CFTR: variants seen among roughly 807,000 people sequenced by gnomAD.
CFTR encodes the protein cystic fibrosis transmembrane conductance regulator.
A neutral mutation model predicts 171.6 loss-of-function variants in CFTR; 181 were observed. The observed-to-expected ratio is 1.05, with a 90% CI of 0.93 to 1.19. The LOEUF is 1.19. Ranked by LOEUF, CFTR falls within the 50% of genes most tolerant of loss-of-function variation. The pLI, the probability that CFTR is intolerant of heterozygous loss-of-function variation, is 0.00. For missense variants in CFTR, 1,968 were observed against 1,734.7 expected, an observed-to-expected ratio of 1.13 and a Z score of -2.39; for synonymous variants, 583 against 608.0, an observed-to-expected ratio of 0.96 and a Z score of 0.60.
At chr7:117,529,134 A>G (rs1305298210) in intron 3 of CFTR, among the ~76,000 whole-genome samples, 2 of 83,348 alleles carry the variant, frequency 2.4e-5, no homozygotes, top group Admixed American at 1.2e-4. Flanking sequence ...CAACAATGAT[A>G]GACTGGATTA....
At position 117,530,810 on chromosome 7, in the gene CFTR, C is replaced by G. The variant is rs1279246956; in HGVS notation, c.274-89C>G. The G allele has an allele frequency of 7.9e-6, 7 of 885,182 alleles. No homozygotes were observed. In the East Asian group the frequency reaches 1.3e-4, roughly 16 times the overall value. The allele number at this position is 885,182 out of a possible 1,614,324, so 54.8% of individuals were successfully genotyped here. On this transcript the variant is annotated intron_variant, in intron 3 of 26. Transcript: ENST00000003084. ...TATATAAACTCATTTTAAGTCTCCT[C>G]TAAAGATGAAAAGTCTTGTGTTGAA... is the stretch of plus-strand genomic sequence containing the variant.
Position 117,592,655 on chromosome 7 carries a change from AAGGT to A in CFTR, c.2490+4_2490+7del, listed in dbSNP as rs775790346. On this transcript the variant is annotated splice_donor_variant and coding_sequence_variant, in exon 14 of 27. Coordinates refer to ENST00000003084, the MANE Select transcript of CFTR (RefSeq NM_000492.4). LOFTEE classifies it high-confidence loss of function. ...TGAAGAAATTAACGAAGAAGACTTAAAGGTAGGTATACATCGCTTGGGGGTATTT... is the reference window on the plus strand; with the variant it reads ...TGAAGAAATTAACGAAGAAGACTTAAAGGTATACATCGCTTGGGGGTATTT... 5 of 1,543,420 alleles carry A rather than the reference AAGGT, an allele frequency of 3.2e-6. No homozygotes were observed. Among genetic ancestry groups the A allele is most frequent in the Non-Finnish European group, 3.5e-6 (4 of 1,152,366 alleles).
At chr7:117,538,462 A>G (rs1798993644) in intron 7 of CFTR, among the ~76,000 whole-genome samples, 2 of 151,674 alleles carry the variant, frequency 1.3e-5, no homozygotes, top group Non-Finnish European at 2.9e-5. Flanking sequence ...TTTTTTTCTT[A>G]TAGTACCTAT....
chr7:117,547,162 T>C (rs1799160259), intron 9 of CFTR, among the ~76,000 whole-genome samples: 1 of 152,174 alleles, frequency 6.6e-6, no homozygotes, highest in Admixed American at 6.5e-5. Context: ...AATAAAAAAC[T>C]AAAAGCAGTA....
In CFTR at chr7:117,540,271, C is replaced by T; in HGVS notation, c.1041C>T (p.Arg347=). 3 of 1,614,036 alleles carry T rather than the reference C, an allele frequency of 1.9e-6. No homozygotes were observed. The highest frequency in any genetic ancestry group is 1.7e-6 in the Non-Finnish European group (2 of 1,179,910). The change falls in exon 8 of 27, where the codon CGC becomes CGT. Residue 347 remains arginine (R), a synonymous_variant. Coordinates refer to ENST00000003084, the MANE Select transcript of CFTR (RefSeq NM_000492.4). ...FTTISFCIVL[R]MAVTRQFPWA... ...CCATCTCATTCTGCATTGTTCTGCG[C>T]ATGGCGGTCACTCGGCAATTTCCCT...
intron 24 of CFTR, among the ~76,000 whole-genome samples, chr7:117,654,193 C>T (rs1793129878): frequency 6.6e-6 from 1 of 152,170 alleles, no homozygotes; most frequent in Admixed American, 6.5e-5. Flanking sequence ...GGTGGTTCTA[C>T]TGGTCTGGGA....
At chr7:117,597,380 C>T (rs2078754) in intron 15 of CFTR, among the ~76,000 whole-genome samples, 13,959 of 152,212 alleles carry the variant, frequency 0.092, 2,174 homozygotes, top group African/African-American at 0.32. Flanking sequence ...CCACCAATTC[C>T]GGACACAATT....
At chr7:117,633,401 G>T (rs1167800989) in intron 22 of CFTR, among the ~76,000 whole-genome samples, 1 of 151,964 alleles carries the variant, frequency 6.6e-6, no homozygotes, top group South Asian at 2.1e-4. Flanking sequence ...TAGTTTCAAG[G>T]ATTTTTTGGT....
intron 9 of CFTR, among the ~76,000 whole-genome samples, chr7:117,548,348 G>T (rs1013209250): frequency 2.0e-5 from 3 of 151,784 alleles, no homozygotes; most frequent in Non-Finnish European, 4.4e-5. Flanking sequence ...GTGTGTGTGT[G>T]TGTGTGTGTG....
intron 21 of CFTR, among the ~76,000 whole-genome samples, chr7:117,615,505 T>G (rs896903966): frequency 3.9e-5 from 6 of 151,960 alleles, no homozygotes; most frequent in Non-Finnish European, 7.4e-5. Context: ...TTTTTTCACA[T>G]TATTTAGTGA....
At chr7:117,530,810 C>T in intron 3 of CFTR, 89 bp from the exon 4 acceptor site, 1 of 885,300 alleles carries the variant, frequency 1.1e-6, no homozygotes, top group South Asian at 1.4e-5. Flanking sequence ...TAAGTCTCCT[C>T]TAAAGATGAA....
intron 10 of CFTR, among the ~76,000 whole-genome samples, chr7:117,549,800 G>T (rs566232566): frequency 6.6e-6 from 1 of 151,912 alleles, no homozygotes; most frequent in South Asian, 2.1e-4. Context: ...AAGAAAGAGA[G>T]GAAGGAAGAA....
rs748845320 is a variant in CFTR, at chr7:117,667,028, T to G, written c.4363T>G (p.Ser1455Ala). 2.4e-5 allele frequency: 39 copies of G among 1,613,878 alleles called. No individual in the cohort carries two copies. Among genetic ancestry groups the G allele is most frequent in the Non-Finnish European group, 3.1e-5 (37 of 1,179,978 alleles). Residue 1455 changes from serine to alanine, a missense_variant, in exon 27 of 27, where the codon TCA becomes GCA. Physicochemically the swap from Ser to Ala is moderately conservative, Grantham distance 99. Coordinates refer to ENST00000003084, the MANE Select transcript of CFTR (RefSeq NM_000492.4). Reference protein sequence around the residue: ...DRVKLFPHRNSSKCKSKPQIA... With the variant: ...DRVKLFPHRNASKCKSKPQIA... ...GGTGAAGCTCTTTCCCCACCGGAAC[T>G]CAAGCAAGTGCAAGTCTAAGCCCCA...
At position 117,580,337 on chromosome 7, in the gene CFTR, G is replaced by A. The variant is rs34487764; in HGVS notation, c.1585-7402G>A. On this transcript the variant is annotated intron_variant, in intron 11 of 26. Transcript: ENST00000003084. The stretch of plus-strand genomic sequence containing the variant: ...TATTAAGGAAAATACAAATTAAAAT[G>A]GCAAATTAGCAAAAATTGAGGTGTG... 5.4e-3 allele frequency among the ~76,000 whole-genome samples: 819 copies of A among 152,080 alleles called. 6 individuals carry two copies. Among genetic ancestry groups the A allele is most frequent in the African/African-American group, 0.018 (767 of 41,542 alleles).
At chr7:117,506,469 C>T (rs1471006139) in intron 2 of CFTR, among the ~76,000 whole-genome samples, 1 of 152,154 alleles carries the variant, frequency 6.6e-6, no homozygotes, top group Non-Finnish European at 1.5e-5. Flanking sequence ...TGGTCTTGAA[C>T]TCCTGACCTC....
chr7:117,557,960 G>A (rs1799386825), intron 10 of CFTR, among the ~76,000 whole-genome samples: 1 of 152,142 alleles, frequency 6.6e-6, no homozygotes, highest in Non-Finnish European at 1.5e-5. Context: ...TAATTGTGGT[G>A]AAATGTACAT....
chr7:117,515,744 G>C (rs1327635132), intron 3 of CFTR, among the ~76,000 whole-genome samples: 1 of 152,158 alleles, frequency 6.6e-6, no homozygotes. Flanking sequence ...ACTTTGGGCA[G>C]TATAGCCATG....
In CFTR at chr7:117,515,194, C is replaced by T. The variant is rs1015112683; in HGVS notation, c.273+6052C>T. On this transcript the variant is annotated intron_variant, in intron 3 of 26. Coordinates refer to ENST00000003084, the MANE Select transcript of CFTR (RefSeq NM_000492.4). ...TCAATTTTGGCTTTTTTTGCAATTGCTTTTGGCATTTTCCTCGTGAAGTCT... is the reference window on the plus strand; with the variant it reads ...TCAATTTTGGCTTTTTTTGCAATTGTTTTTGGCATTTTCCTCGTGAAGTCT... Among the ~76,000 whole-genome samples, 53 of 152,154 alleles carry T rather than the reference C, an allele frequency of 3.5e-4. 1 individual carries two copies. Among genetic ancestry groups the T allele is most frequent in the Admixed American group, 3.4e-3 (52 of 15,276 alleles).
At position 117,523,373 on chromosome 7, in the gene CFTR, T is replaced by A. The variant is rs936563831; in HGVS notation, c.274-7526T>A. On this transcript the variant is annotated intron_variant, in intron 3 of 26. Transcript: ENST00000003084. ...CTGTCTCTGAATTTTTGTTTTGTTT[T>A]GTTTTTTGTTTTTTTTTTTTTGAGA... Among the ~76,000 whole-genome samples, 4 of 140,538 alleles carry A rather than the reference T, an allele frequency of 2.8e-5. No individual in the cohort carries two copies. The highest frequency in any genetic ancestry group is 6.2e-5 in the Non-Finnish European group (4 of 65,004). 92.2% of individuals were successfully genotyped at this position (140,538 alleles called of 152,430 possible).
Sources: allele counts gnomAD v4.1 joint callset (sites outside exome capture counted in the v4.1 genomes callset), GRCh38; gene constraint gnomAD v4.1.1; transcripts MANE v1.5; gene names NCBI Gene and HGNC (gene_info 2026-07-23, HGNC 2026-07-21).